The following TENT4A variants were observed in gnomAD, a reference collection of about 807,000 sequenced individuals.
TENT4A encodes terminal nucleotidyltransferase 4A, also known as DNA polymerase kappa.
In TENT4A, 7 loss-of-function variants were observed where a neutral mutation model predicts 72.8. The ratio of observed to expected loss-of-function variants is 0.10; its 90% confidence interval spans 0.05 to 0.18. The LOEUF (loss-of-function observed/expected upper bound fraction) is 0.18, where lower values mean the gene tolerates loss of function less well. Among genes scored for constraint, TENT4A ranks in the 10% least tolerant of loss-of-function variants. The pLI is 1.00. For synonymous variants in TENT4A, 456 were observed against 434.3 expected (o/e 1.05, Z -0.62); for missense variants, 831 against 1,017.7 (o/e 0.82, Z 2.50).
chr5:6,749,506 C>A, intron 8 of TENT4A, 51 bp from the exon 9 acceptor site: 1 of 1,229,258 alleles, frequency 8.1e-7, no homozygotes, highest in Non-Finnish European at 1.2e-6. Context: ...GGGTTCTCAG[C>A]TCCCTGACAC....
intron 1 of TENT4A, among the ~76,000 whole-genome samples, chr5:6,722,285 C>T (rs766833449): frequency 1.3e-5 from 2 of 152,140 alleles, no homozygotes; most frequent in Non-Finnish European, 2.9e-5. Flanking sequence ...CCACCGCTGC[C>T]CTTTTCTCCT....
chr5:6,750,967 C>A, intron 10 of TENT4A, 72 bp from the exon 11 acceptor site: 42 of 1,476,364 alleles, frequency 2.8e-5, no homozygotes, highest in African/African-American at 4.2e-5. Flanking sequence ...CGTTTCTTTT[C>A]ATAGCTTTAA....
chr5:6,746,237 G>C lies in TENT4A; in HGVS notation c.1269G>C (p.Arg423=). 1 of 1,614,214 alleles carries C rather than the reference G, an allele frequency of 6.2e-7. No homozygotes were observed. Among genetic ancestry groups the C allele is most frequent in the Non-Finnish European group, 8.5e-7 (1 of 1,180,034 alleles). Residue 423 remains arginine, a synonymous_variant, in exon 7 of 13, where the codon CGG becomes CGC. Transcript: ENST00000230859. The part of the protein sequence containing the change: ...FLQLHPRIDA[R]RADENLGMLL... ...AGTTGCATCCAAGAATTGATGCCCG[G>C]AGAGCTGATGAAAACCTTGGAATGC...
At chr5:6,750,986 T>C (rs182083175) in intron 10 of TENT4A, 53 bp from the exon 11 acceptor site, 2 of 1,583,298 alleles carry the variant, frequency 1.3e-6, no homozygotes, top group East Asian at 2.2e-5. Context: ...AAGGAAGTAG[T>C]AGTGCACCTT....
intron 1 of TENT4A, among the ~76,000 whole-genome samples, chr5:6,719,493 C>G (rs1740545984): frequency 6.6e-6 from 1 of 152,200 alleles, no homozygotes; most frequent in Non-Finnish European, 1.5e-5. Flanking sequence ...ATTGAAGAAG[C>G]CGCAGTGCTG....
chr5:6,734,496 G>A (rs1741368430), intron 1 of TENT4A, among the ~76,000 whole-genome samples: 1 of 152,236 alleles, frequency 6.6e-6, no homozygotes, highest in Admixed American at 6.5e-5. Context: ...CTTGAAGAAG[G>A]GCCAGTGGGG....
intron 11 of TENT4A, among the ~76,000 whole-genome samples, 162 bp from the exon 12 acceptor site, chr5:6,752,711 A>G (rs534976349): frequency 1.3e-5 from 2 of 152,260 alleles, no homozygotes; most frequent in African/African-American, 2.4e-5. Flanking sequence ...TTTCCAATTC[A>G]AAGCACAATA....
At chr5:6,739,702 C>T in intron 3 of TENT4A, 30 bp from the exon 4 acceptor site, 5 of 1,612,350 alleles carry the variant, frequency 3.1e-6, no homozygotes, top group Non-Finnish European at 4.2e-6. Context: ...GCGAGGGGAG[C>T]AGTGGCTGAC....
At chr5:6,734,561 G>A (rs778611151) in intron 1 of TENT4A, among the ~76,000 whole-genome samples, 5 of 152,266 alleles carry the variant, frequency 3.3e-5, no homozygotes, top group East Asian at 1.9e-4. Context: ...ATGGATGGCC[G>A]GGCCCCCGGC....
chr5:6,720,117 G>A (rs1304441678), intron 1 of TENT4A, among the ~76,000 whole-genome samples: 1 of 152,184 alleles, frequency 6.6e-6, no homozygotes, highest in Admixed American at 6.5e-5. Context: ...TGCAAAGCAA[G>A]GTACTTTGAA....
chr5:6,722,632 G>A (rs1740716918), intron 1 of TENT4A, among the ~76,000 whole-genome samples: 1 of 149,416 alleles, frequency 6.7e-6, no homozygotes, highest in Admixed American at 6.7e-5. Flanking sequence ...TCTCCCCAGA[G>A]GCAAGGGTAC....
intron 1 of TENT4A, among the ~76,000 whole-genome samples, chr5:6,735,863 C>A (rs1422133320): frequency 1.3e-5 from 2 of 151,614 alleles, no homozygotes; most frequent in South Asian, 2.1e-4. Flanking sequence ...TGGGTTCAAG[C>A]GATTCTCCTG....
intron 11 of TENT4A, among the ~76,000 whole-genome samples, chr5:6,752,334 G>T (rs1001548662): frequency 6.6e-6 from 1 of 152,264 alleles, no homozygotes; most frequent in South Asian, 2.1e-4. Context: ...GGTTGTTGGG[G>T]TAAATGCACG....
At position 6,739,045 on chromosome 5, in the gene TENT4A, CAT is replaced by C. The variant is rs377224066; in HGVS notation, c.887+317_887+318del. ...AAGACATTCTGCTGATATTTTAGGA[CAT>C]GTGTTTGAAAAATTGATCTTATGTT... On this transcript the variant is annotated intron_variant, in intron 3 of 12. Transcript: ENST00000230859. Among the ~76,000 whole-genome samples the C allele has an allele frequency of 4.7e-4, 71 of 152,244 alleles. 2 individuals are homozygous for C. Among genetic ancestry groups the C allele is most frequent in the African/African-American group, 1.6e-3 (67 of 41,542 alleles).
intron 1 of TENT4A, among the ~76,000 whole-genome samples, chr5:6,732,861 C>T (rs1444511452): frequency 1.3e-5 from 2 of 152,158 alleles, no homozygotes; most frequent in African/African-American, 4.8e-5. Context: ...TGGAGCCTTG[C>T]TAATGTCCCA....
chr5:6,754,622 C>A, intron 12 of TENT4A, 129 bp from the exon 13 acceptor site: 1 of 558,500 alleles, frequency 1.8e-6, no homozygotes, highest in Non-Finnish European at 3.0e-6. Context: ...TTGGGAAGTC[C>A]CAGAGGGCAG....
Position 6,726,939 on chromosome 5 carries a change from G to A in TENT4A, c.717-10571G>A, listed in dbSNP as rs1740957871. 2.0e-5 allele frequency among the ~76,000 whole-genome samples: 3 copies of A among 152,234 alleles called. No homozygotes were observed. The South Asian group carries it at 6.2e-4, about 32-fold the overall frequency. On this transcript the variant is annotated intron_variant, in intron 1 of 12. Transcript: ENST00000230859. ...TGTTACCGGTCCCATCTTCCTGTGGGTGGGAGTGTCTGTCTTGCTTGGCCC... is the reference window on the plus strand; with the variant it reads ...TGTTACCGGTCCCATCTTCCTGTGGATGGGAGTGTCTGTCTTGCTTGGCCC...
intron 12 of TENT4A, among the ~76,000 whole-genome samples, chr5:6,753,697 C>T (rs1038564292): frequency 3.3e-5 from 5 of 152,256 alleles, no homozygotes; most frequent in African/African-American, 4.8e-5. Flanking sequence ...GTGCTTTCAT[C>T]GGTGTCCACA....
rs560636604 is a variant in TENT4A, at chr5:6,756,547, G to T, written c.*1602G>T. ...GTCTGCGGTCTGCCCTTTTGAAGCA[G>T]GACTGGCTCACTCTGTCATTGGGAG... On this transcript the variant is annotated 3_prime_UTR_variant, in exon 13 of 13. Coordinates refer to ENST00000230859, the MANE Select transcript of TENT4A (RefSeq NM_006999.6). 6.6e-6 allele frequency: 1 copy of T among 152,382 alleles called. No homozygotes were observed. Among genetic ancestry groups the T allele is most frequent in the African/African-American group, 2.4e-5 (1 of 41,444 alleles). The allele number at this position is 152,382 out of a possible 1,614,324, so 9.4% of individuals were successfully genotyped here.
Sources: allele counts gnomAD v4.1 joint callset (sites outside exome capture counted in the v4.1 genomes callset), GRCh38; gene constraint gnomAD v4.1.1; transcripts MANE v1.5; gene names NCBI Gene and HGNC (gene_info 2026-07-23, HGNC 2026-07-21).